The following SLC14A2 variants were observed in gnomAD, a reference collection of about 807,000 sequenced individuals.
The protein encoded by SLC14A2 is urea transporter 2.
Under a neutral mutation model 104.6 loss-of-function variants are expected in SLC14A2, and 91 were observed. That is an observed-to-expected ratio of 0.87 (90% CI 0.73 to 1.04). SLC14A2 has a LOEUF of 1.04. Ranked by LOEUF, SLC14A2 falls within the 50% of genes least tolerant of loss-of-function variation. The pLI is 0.00. For synonymous variants in SLC14A2, 476 were observed against 466.4 expected (o/e 1.02, Z -0.27); for missense variants, 1,189 against 1,156.0 (o/e 1.03, Z -0.41).
chr18:45,545,700 G>A (rs2043958970), intron 2 of SLC14A2, among the ~76,000 whole-genome samples: 1 of 152,128 alleles, frequency 6.6e-6, no homozygotes, highest in African/African-American at 2.4e-5. Flanking sequence ...GGAAAGCTGG[G>A]TTTTCATTGG....
Position 45,367,941 on chromosome 18 carries a change from A to G in SLC14A2, c.-124-115292A>G, listed in dbSNP as rs143539858. 2.0e-5 allele frequency among the ~76,000 whole-genome samples: 3 copies of G among 152,264 alleles called. No homozygotes were observed. The East Asian group carries it at 5.8e-4, about 29-fold the overall frequency. Reference sequence around the variant, plus strand: ...GCTTAATGTTCTTTTTGATTAATCAAAGGCAAATCTTGAGCTCACTGGTTG... The same window carrying G: ...GCTTAATGTTCTTTTTGATTAATCAGAGGCAAATCTTGAGCTCACTGGTTG... On this transcript the variant is annotated intron_variant, in intron 1 of 20. Transcript: ENST00000586448.
intron 10 of SLC14A2, among the ~76,000 whole-genome samples, chr18:45,645,622 T>TATATAC (rs370081713): frequency 2.2e-5 from 3 of 134,858 alleles, no homozygotes; most frequent in Admixed American, 7.6e-5. Context: ...AATATATATA[T>TATATAC]ACATATACAA....
intron 2 of SLC14A2, among the ~76,000 whole-genome samples, chr18:45,552,331 G>A (rs1316213456): frequency 6.6e-6 from 1 of 152,214 alleles, no homozygotes; most frequent in East Asian, 1.9e-4. Flanking sequence ...GCAGCAAGGA[G>A]AAGGGGAATG....
Position 45,376,932 on chromosome 18 carries a change from C to T in SLC14A2, c.-124-106301C>T, listed in dbSNP as rs117664475. On this transcript the variant is annotated intron_variant, in intron 1 of 20. Coordinates refer to the SLC14A2 transcript ENST00000586448. ...ACCCATTTCTTCCTAAAAATAGGTC[C>T]TTTTCTCTCCTGTCTTAATAAAACA... Among the ~76,000 whole-genome samples the T allele has an allele frequency of 8.1e-4, 123 of 152,220 alleles. 4 individuals carry two copies. In the East Asian group the frequency reaches 0.02, roughly 25 times the overall value.
chr18:45,536,673 G>T (rs2043790146), intron 2 of SLC14A2, among the ~76,000 whole-genome samples: 1 of 152,108 alleles, frequency 6.6e-6, no homozygotes, highest in Non-Finnish European at 1.5e-5. Context: ...CAGGTATTGG[G>T]GGTTGGGACT....
At chr18:45,576,222 C>T (rs2044416369) in intron 2 of SLC14A2, among the ~76,000 whole-genome samples, 2 of 150,174 alleles carry the variant, frequency 1.3e-5, no homozygotes, top group South Asian at 4.2e-4. Context: ...TTGGAAACAC[C>T]CAGGCAGTTT....
chr18:45,472,054 T>C (rs141470833), intron 1 of SLC14A2, among the ~76,000 whole-genome samples: 1 of 152,168 alleles, frequency 6.6e-6, no homozygotes, highest in Non-Finnish European at 1.5e-5. Flanking sequence ...CAGGCCATGG[T>C]GTGAGATGTT....
chr18:45,199,309 T>C, the SLC14A2 span, among the ~76,000 whole-genome samples: 2 of 152,158 alleles, frequency 1.3e-5, no homozygotes, highest in Non-Finnish European at 2.9e-5. Context: ...ATTACCTAAC[T>C]CTTTTAGACC....
intron 1 of SLC14A2, among the ~76,000 whole-genome samples, chr18:45,283,082 C>G (rs2084779402): frequency 6.6e-6 from 1 of 152,226 alleles, no homozygotes; most frequent in Admixed American, 6.5e-5. Context: ...GAATCATTAC[C>G]CCACATTGTG....
chr18:45,338,487 C>A (rs773595991), intron 1 of SLC14A2, among the ~76,000 whole-genome samples: 4 of 152,034 alleles, frequency 2.6e-5, no homozygotes. Flanking sequence ...AGGTGTGAAC[C>A]ACTGTGCCCG....
chr18:45,655,494 C>T (rs1022588797), intron 10 of SLC14A2, among the ~76,000 whole-genome samples: 1 of 152,234 alleles, frequency 6.6e-6, no homozygotes, highest in African/African-American at 2.4e-5. Context: ...GCTACATTTA[C>T]TCTAAAGTGC....
chr18:45,471,377 C>G (rs2087245773), intron 1 of SLC14A2, among the ~76,000 whole-genome samples: 1 of 152,114 alleles, frequency 6.6e-6, no homozygotes, highest in African/African-American at 2.4e-5. Flanking sequence ...GGTATCATTT[C>G]TGTATCAATT....
At chr18:45,421,565 G>C (rs1861902) in intron 1 of SLC14A2, among the ~76,000 whole-genome samples, 24,442 of 152,098 alleles carry the variant, frequency 0.16, 2,847 homozygotes, top group African/African-American at 0.3. Context: ...TTAAGGCGAT[G>C]TTTTTGGTCC....
chr18:45,196,605 G>A, the SLC14A2 span, among the ~76,000 whole-genome samples: 2 of 152,152 alleles, frequency 1.3e-5, no homozygotes, highest in Non-Finnish European at 1.5e-5. Flanking sequence ...TAGGAGAGTG[G>A]GGAAGCATGA....
At chr18:45,679,329 T>A (rs2046279045) in intron 19 of SLC14A2, among the ~76,000 whole-genome samples, 1 of 152,240 alleles carries the variant, frequency 6.6e-6, no homozygotes, top group Admixed American at 6.5e-5. Flanking sequence ...TATTTTTAAA[T>A]CTTTATTATT....
At chr18:45,270,409 T>A (rs192987883) in intron 1 of SLC14A2, among the ~76,000 whole-genome samples, 17 of 152,272 alleles carry the variant, frequency 1.1e-4, no homozygotes, top group Admixed American at 1.1e-3. Flanking sequence ...ACCTTCCTAA[T>A]GTTGTTGAGG....
intron 2 of SLC14A2, among the ~76,000 whole-genome samples, chr18:45,516,692 T>A (rs1320437417): frequency 6.6e-6 from 1 of 152,222 alleles, no homozygotes; most frequent in African/African-American, 2.4e-5. Context: ...ACTTTCCCAC[T>A]CCAGCATTGT....
At chr18:45,498,086 G>A (rs2034876563) in intron 2 of SLC14A2, among the ~76,000 whole-genome samples, 1 of 151,994 alleles carries the variant, frequency 6.6e-6, no homozygotes, top group Non-Finnish European at 1.5e-5. Context: ...AAACAACATG[G>A]AAGTCCATTC....
intron 2 of SLC14A2, among the ~76,000 whole-genome samples, chr18:45,605,968 C>G (rs1290983170): frequency 1.3e-5 from 2 of 152,118 alleles, no homozygotes; most frequent in Non-Finnish European, 2.9e-5. Context: ...GTATTGAGTT[C>G]CATACTGAAA....
Sources: allele counts gnomAD v4.1 joint callset (sites outside exome capture counted in the v4.1 genomes callset), GRCh38; gene constraint gnomAD v4.1.1; transcripts MANE v1.5; gene names NCBI Gene and HGNC (gene_info 2026-07-23, HGNC 2026-07-21).